FAM227B: variants seen among roughly 807,000 people sequenced by gnomAD.
FAM227B encodes family with sequence similarity 227 member B.
A neutral mutation model predicts 73.8 loss-of-function variants in FAM227B; 88 were observed. The ratio of observed to expected loss-of-function variants is 1.19; its 90% CI spans 1.00 to 1.42. FAM227B has a LOEUF of 1.42. FAM227B is among the 40% of genes most tolerant of loss of function. FAM227B has a pLI of 0.00. For synonymous variants in FAM227B, 210 were observed against 190.5 expected, an observed-to-expected ratio of 1.10 and a Z score of -0.84; for missense variants, 632 against 590.9, an observed-to-expected ratio of 1.07 and a Z score of -0.72.
intron 15 of FAM227B, chr15:49,329,238 T>A: frequency 1.0e-6 from 1 of 985,766 alleles, no homozygotes; most frequent in Non-Finnish European, 1.2e-6. Flanking sequence ...TATCTCTGTA[T>A]GTATATCAAG....
intron 3 of FAM227B, among the ~76,000 whole-genome samples, chr15:49,599,324 TTTC>T (rs964184222): frequency 6.1e-4 from 93 of 152,218 alleles, no homozygotes; most frequent in African/African-American, 2.1e-3. Flanking sequence ...TATTTGAATC[TTTC>T]TTCTTTTTTT....
chr15:49,392,588 C>T (rs16962418), intron 11 of FAM227B, among the ~76,000 whole-genome samples: 9,949 of 152,130 alleles, frequency 0.065, 461 homozygotes, highest in East Asian at 0.18. Flanking sequence ...ACTTTAAGAA[C>T]GTGAAGAAGA....
intron 10 of FAM227B, among the ~76,000 whole-genome samples, chr15:49,523,465 C>G (rs2152184480): frequency 6.6e-6 from 1 of 152,264 alleles, no homozygotes; most frequent in African/African-American, 2.4e-5. Context: ...GTGAGGCCTC[C>G]CCAGCCATGT....
intron 13 of FAM227B, among the ~76,000 whole-genome samples, chr15:49,352,911 T>TA (rs1472041008): frequency 8.5e-5 from 13 of 152,230 alleles, no homozygotes; most frequent in Admixed American, 7.2e-4. Context: ...AAAGCTCTGT[T>TA]ACACTGGTGT....
At chr15:49,477,432 T>A (rs1392614553) in intron 11 of FAM227B, among the ~76,000 whole-genome samples, 1 of 152,154 alleles carries the variant, frequency 6.6e-6, no homozygotes, top group Non-Finnish European at 1.5e-5. Flanking sequence ...AATCATACAG[T>A]ATGTGGCTTT....
intron 11 of FAM227B, among the ~76,000 whole-genome samples, chr15:49,474,031 A>C (rs1186666656): frequency 6.6e-6 from 1 of 152,168 alleles, no homozygotes; most frequent in Non-Finnish European, 1.5e-5. Context: ...TACTAACCTA[A>C]AACAAAATGT....
At chr15:49,448,069 C>G (rs1268541500) in intron 11 of FAM227B, among the ~76,000 whole-genome samples, 1 of 151,636 alleles carries the variant, frequency 6.6e-6, no homozygotes, top group Non-Finnish European at 1.5e-5. Flanking sequence ...CAGTAAATAA[C>G]AAACTTATCA....
chr15:49,444,091 C>A (rs1297030202), intron 11 of FAM227B, among the ~76,000 whole-genome samples: 1 of 151,612 alleles, frequency 6.6e-6, no homozygotes, highest in Non-Finnish European at 1.5e-5. Flanking sequence ...TTATAAGGAT[C>A]TTACGGCAGT....
intron 11 of FAM227B, among the ~76,000 whole-genome samples, chr15:49,420,952 C>T (rs113691335): frequency 0.023 from 3,566 of 152,182 alleles, 89 homozygotes; most frequent in South Asian, 0.13. Flanking sequence ...GTGATCCATC[C>T]GCCTCGGCCT....
intron 7 of FAM227B, chr15:49,576,482 G>C: frequency 3.5e-6 from 1 of 284,780 alleles, no homozygotes; most frequent in Non-Finnish European, 6.6e-6. Context: ...AGACAAGAAG[G>C]AAAAAACACC....
intron 8 of FAM227B, among the ~76,000 whole-genome samples, chr15:49,573,249 T>C (rs2075235828): frequency 6.6e-6 from 1 of 152,216 alleles, no homozygotes; most frequent in African/African-American, 2.4e-5. Flanking sequence ...AGATATGTTA[T>C]TATTTTATAA....
At chr15:49,583,047 C>T (rs1030762312) in intron 5 of FAM227B, among the ~76,000 whole-genome samples, 2 of 151,834 alleles carry the variant, frequency 1.3e-5, no homozygotes, top group Admixed American at 6.6e-5. Context: ...AGTTAACAAC[C>T]TAACATCACA....
chr15:49,540,028 G>T lies in FAM227B; in HGVS notation c.874+1652C>A, dbSNP rs1290812232. Among the ~76,000 whole-genome samples the T allele has an allele frequency of 2.0e-5, 3 of 152,176 alleles. No homozygotes were observed. The East Asian group carries it at 5.8e-4, about 29-fold the overall frequency. On this transcript the variant is annotated intron_variant, in intron 10 of 15. Coordinates refer to ENST00000299338, the MANE Select transcript of FAM227B (RefSeq NM_152647.3). ...GGATGTGAGTAGGTCCTGGCCCTGG[G>T]TAGCACAACAGTGGCTTCTTATTGA...
intron 11 of FAM227B, among the ~76,000 whole-genome samples, chr15:49,400,453 C>G (rs912652485): frequency 9.5e-6 from 1 of 104,938 alleles, no homozygotes; most frequent in Non-Finnish European, 1.8e-5. Context: ...TCAATGCCAT[C>G]CCCATCAAGC....
At chr15:49,454,220 A>AT (rs1218386475) in intron 11 of FAM227B, among the ~76,000 whole-genome samples, 1 of 152,184 alleles carries the variant, frequency 6.6e-6, no homozygotes, top group Admixed American at 6.6e-5. Flanking sequence ...GACTAAATAA[A>AT]TTGCACTGGA....
At chr15:49,379,618 ATTGC>A (rs2046391692) in intron 11 of FAM227B, among the ~76,000 whole-genome samples, 1 of 152,136 alleles carries the variant, frequency 6.6e-6, no homozygotes, top group Non-Finnish European at 1.5e-5. Context: ...TATCAGTTGT[ATTGC>A]TTCCTTTTTC....
chr15:49,541,142 T>C (rs983637149), intron 10 of FAM227B, among the ~76,000 whole-genome samples: 17 of 152,134 alleles, frequency 1.1e-4, no homozygotes, highest in Non-Finnish European at 2.1e-4. Context: ...CATGAAACTA[T>C]ATTTCTATAC....
At chr15:49,549,861 G>A (rs62021577) in intron 9 of FAM227B, among the ~76,000 whole-genome samples, 49,326 of 150,980 alleles carry the variant, frequency 0.33, 8,885 homozygotes, top group African/African-American at 0.46. Flanking sequence ...GGTGGTGGCC[G>A]GGCAGAGGGG....
chr15:49,543,681 TAA>T (rs2071401016), intron 9 of FAM227B, among the ~76,000 whole-genome samples: 2 of 152,186 alleles, frequency 1.3e-5, no homozygotes, highest in Admixed American at 6.5e-5. Flanking sequence ...GACTTTTGTA[TAA>T]GAGACAAGTA....
Sources: gnomAD v4.1 joint callset for allele counts (sites outside exome capture counted in the v4.1 genomes callset) on GRCh38, gnomAD v4.1.1 for gene constraint, MANE v1.5 for transcripts, NCBI Gene and HGNC (gene_info 2026-07-23, HGNC 2026-07-21) for gene names.